Variants in AAK1 observed in about 807,000 individuals in gnomAD.
The protein encoded by AAK1 is AP2 associated kinase 1.
In AAK1, 37 loss-of-function variants were observed where a neutral mutation model predicts 116.0. That is an observed-to-expected ratio of 0.32 (90% CI 0.25 to 0.42). The LOEUF is 0.42. AAK1 is among the 10% of genes least tolerant of loss of function. AAK1 has a pLI of 1.00. For synonymous variants in AAK1, 458 were observed against 439.9 expected, an observed-to-expected ratio of 1.04 and a Z score of -0.51; for missense variants, 919 against 1,170.6, an observed-to-expected ratio of 0.79 and a Z score of 3.14.
chr2:69,518,793 G>A (rs1261024949), intron 12 of AAK1, among the ~76,000 whole-genome samples, 161 bp downstream of exon 12: 2 of 152,162 alleles, frequency 1.3e-5, no homozygotes, highest in African/African-American at 4.8e-5. Flanking sequence ...GGTGAAAGGG[G>A]TGTGAGTGAT....
chr2:69,531,558 G>A, intron 6 of AAK1: 8 of 983,978 alleles, frequency 8.1e-6, no homozygotes, highest in Non-Finnish European at 9.7e-6. Context: ...TATCATGAAA[G>A]TCTGTGATTC....
In AAK1 at chr2:69,468,437, CAA is replaced by C. The variant is rs956665436; in HGVS notation, c.*7430_*7431del. 44 of 985,264 alleles carry C rather than the reference CAA, an allele frequency of 4.5e-5. No individual in the cohort carries two copies. Among genetic ancestry groups the C allele is most frequent in the Admixed American group, 1.8e-4 (3 of 16,270 alleles). 61.0% of individuals were successfully genotyped at this position (985,264 alleles called of 1,614,324 possible). On this transcript the variant is annotated 3_prime_UTR_variant, in exon 22 of 22. Coordinates refer to ENST00000409085, the MANE Select transcript of AAK1 (RefSeq NM_014911.5). ...CCTTCCTCACATAGTATCAGTTGGA[CAA>C]AGTTTTCAGTTGCCAAAACAAAAGC...
intron 10 of AAK1, among the ~76,000 whole-genome samples, chr2:69,523,426 CAT>C (rs1669877522): frequency 6.6e-6 from 1 of 152,136 alleles, no homozygotes; most frequent in African/African-American, 2.4e-5. Flanking sequence ...AAAATAACTT[CAT>C]GTACACAGCA....
intron 11 of AAK1, 55 bp downstream of exon 11, chr2:69,520,779 G>C (rs1669740719): frequency 6.7e-7 from 1 of 1,503,258 alleles, no homozygotes; most frequent in South Asian, 1.4e-5. Flanking sequence ...AGACTTCTCT[G>C]TTGTCCAGAA....
intron 2 of AAK1, among the ~76,000 whole-genome samples, chr2:69,601,577 G>A (rs554698844): frequency 6.6e-6 from 1 of 152,208 alleles, no homozygotes; most frequent in South Asian, 2.1e-4. Flanking sequence ...GAACCCAAAG[G>A]TTACAAGCTA....
At chr2:69,554,214 A>G (rs1008770021) in intron 3 of AAK1, among the ~76,000 whole-genome samples, 1 of 152,232 alleles carries the variant, frequency 6.6e-6, no homozygotes, top group Non-Finnish European at 1.5e-5. Flanking sequence ...TAAATTAGTC[A>G]GAGAATAATC....
At position 69,458,942 on chromosome 2, in the gene AAK1, T is replaced by C. The variant is rs910164212; in HGVS notation, c.*16927A>G. 1 of 152,394 alleles carries C rather than the reference T, an allele frequency of 6.6e-6. No homozygotes were observed. The highest frequency in any genetic ancestry group is 6.5e-5 in the Admixed American group (1 of 15,284). 9.4% of individuals were successfully genotyped at this position (152,394 alleles called of 1,614,324 possible). A position where few individuals can be genotyped will look rare whatever the true frequency, so the allele number is the denominator to read the frequency against. ...TACATATAGTTCCATTATAATGCAA[T>C]GCAGGTAACACTAACTTGATTTCAA... On this transcript the variant is annotated 3_prime_UTR_variant, in exon 22 of 22. Coordinates refer to ENST00000409085, the MANE Select transcript of AAK1 (RefSeq NM_014911.5).
At chr2:69,598,012 T>G (rs1673377352) in intron 2 of AAK1, 1 of 365,518 alleles carries the variant, frequency 2.7e-6, no homozygotes, top group Admixed American at 4.8e-5. Flanking sequence ...ACGTTATGTC[T>G]GAAAGGGAAG....
intron 17 of AAK1, among the ~76,000 whole-genome samples, chr2:69,491,576 C>T (rs1412052052): frequency 6.6e-6 from 1 of 152,128 alleles, no homozygotes; most frequent in Non-Finnish European, 1.5e-5. Context: ...TAATGGTTCT[C>T]AGTTGTGCAA....
intron 3 of AAK1, among the ~76,000 whole-genome samples, chr2:69,552,255 G>A (rs1671212507): frequency 6.6e-6 from 1 of 152,098 alleles, no homozygotes; most frequent in Non-Finnish European, 1.5e-5. Flanking sequence ...TTAATGGAAG[G>A]GAATAGAGAA....
rs916639909 is a variant in AAK1, at chr2:69,474,522, G to A, written c.*1347C>T. The A allele has an allele frequency of 1.2e-5, 12 of 984,628 alleles. No individual in the cohort carries two copies. Among genetic ancestry groups the A allele is most frequent in the Non-Finnish European group, 1.4e-5 (12 of 829,372 alleles). The allele number at this position is 984,628 out of a possible 1,614,324, so 61.0% of individuals were successfully genotyped here. A position where few individuals can be genotyped will look rare whatever the true frequency, so the allele number is the denominator to read the frequency against. ...TGAACAATATCCTAAAGTTAATAAA[G>A]AACTATGCTTTATTATTTTTTTTTA... is the stretch of plus-strand genomic sequence containing the variant. On this transcript the variant is annotated 3_prime_UTR_variant, in exon 22 of 22. Coordinates refer to ENST00000409085, the MANE Select transcript of AAK1 (RefSeq NM_014911.5).
rs887540515 is a variant in AAK1 at position 69,567,932 on chromosome 2, G to A, written c.164-10954C>T. The stretch of plus-strand genomic sequence containing the variant: ...AAAAGAAATGAAACACCCCATGCTC[G>A]ATCCTGAAGCATCCCTTGCCTAAAG... On this transcript the variant is annotated intron_variant, in intron 2 of 21. Transcript: ENST00000409085. Among the ~76,000 whole-genome samples the A allele has an allele frequency of 3.3e-4, 50 of 152,178 alleles. 1 individual carries two copies. Among genetic ancestry groups the A allele is most frequent in the African/African-American group, 7.2e-5 (3 of 41,450 alleles).
intron 10 of AAK1, among the ~76,000 whole-genome samples, chr2:69,524,024 G>A (rs750526675): frequency 1.2e-4 from 18 of 152,088 alleles, no homozygotes; most frequent in Admixed American, 2.0e-4. Flanking sequence ...TAACATCTTC[G>A]TTTAATCCTC....
chr2:69,618,864 C>G (rs1048256935), intron 2 of AAK1, among the ~76,000 whole-genome samples: 2 of 152,192 alleles, frequency 1.3e-5, no homozygotes, highest in African/African-American at 4.8e-5. Flanking sequence ...CAGTCTCCCC[C>G]ATTCTGACAC....
chr2:69,556,714 T>C, intron 3 of AAK1, 146 bp downstream of exon 3: 1 of 634,032 alleles, frequency 1.6e-6, no homozygotes, highest in Non-Finnish European at 2.8e-6. Context: ...GGCGGTGTCC[T>C]ATATCCCATG....
chr2:69,534,335 G>C (rs893660716), intron 5 of AAK1, among the ~76,000 whole-genome samples: 1 of 152,168 alleles, frequency 6.6e-6, no homozygotes, highest in African/African-American at 2.4e-5. Context: ...TAGAAGCAGA[G>C]CAATTACTCA....
intron 12 of AAK1, 149 bp downstream of exon 12, chr2:69,518,805 G>A: frequency 8.2e-7 from 1 of 1,221,866 alleles, no homozygotes; most frequent in Non-Finnish European, 1.1e-6. Context: ...GTGAGTGATG[G>A]ATCCGCTTCT....
intron 2 of AAK1, among the ~76,000 whole-genome samples, chr2:69,573,454 C>G (rs1672169345): frequency 6.6e-6 from 1 of 152,126 alleles, no homozygotes; most frequent in Non-Finnish European, 1.5e-5. Context: ...GTATCTAATG[C>G]TAGTGGTAAG....
intron 17 of AAK1, among the ~76,000 whole-genome samples, chr2:69,484,745 C>T (rs1010535019): frequency 1.1e-4 from 17 of 151,962 alleles, no homozygotes; most frequent in African/African-American, 3.6e-4. Context: ...CGTGGTGGCG[C>T]ATGCCTGAAG....
Sources: allele counts gnomAD v4.1 joint callset (sites outside exome capture counted in the v4.1 genomes callset), GRCh38; gene constraint gnomAD v4.1.1; transcripts MANE v1.5; gene names NCBI Gene and HGNC (gene_info 2026-07-23, HGNC 2026-07-21).